ACBD5: variants seen among roughly 807,000 people sequenced by gnomAD.
ACBD5 encodes the protein acyl-CoA binding domain containing 5.
ACBD5 carries 40 observed loss-of-function variants against 71.8 expected under a neutral mutation model. The observed-to-expected ratio is 0.56, with a 90% CI of 0.43 to 0.72. The LOEUF is 0.72. ACBD5 is among the 30% of genes least tolerant of loss of function. The pLI, the probability that ACBD5 is intolerant of heterozygous loss-of-function variation, is 0.00. For missense variants in ACBD5, 559 were observed against 644.5 expected (o/e 0.87, Z 1.44); for synonymous variants, 229 against 218.6 (o/e 1.05, Z -0.42).
chr10:27,234,168 T>C (rs1479700420), intron 3 of ACBD5, among the ~76,000 whole-genome samples: 1 of 152,262 alleles, frequency 6.6e-6, no homozygotes, highest in Non-Finnish European at 1.5e-5. Context: ...TATCAACTGT[T>C]AGTCAACTGG....
chr10:27,230,563 A>G (rs961591244), intron 4 of ACBD5, among the ~76,000 whole-genome samples: 2 of 152,082 alleles, frequency 1.3e-5, no homozygotes, highest in Admixed American at 1.3e-4. Flanking sequence ...TTGGGAGGCC[A>G]AGGCAGGTGG....
chr10:27,230,425 C>G (rs540696503), intron 4 of ACBD5, among the ~76,000 whole-genome samples: 1 of 152,088 alleles, frequency 6.6e-6, no homozygotes, highest in East Asian at 1.9e-4. Flanking sequence ...TCTTTATGTT[C>G]AAAGATAATT....
chr10:27,190,867 G>A (rs909194895), downstream of ACBD5, among the ~76,000 whole-genome samples: 11 of 152,154 alleles, frequency 7.2e-5, no homozygotes, highest in African/African-American at 2.7e-4. Flanking sequence ...GTGAGAGAAT[G>A]GAAGAGCCAC....
Position 27,201,090 on chromosome 10 carries a change from G to A in ACBD5, c.1565+3350C>T, listed in dbSNP as rs1464497758. The stretch of plus-strand genomic sequence containing the variant: ...AGGCAGCAGGATTGCTTGAGCCCAG[G>A]AGTTTGAGGCTGCAATGACCTCTGA... On this transcript the variant is annotated intron_variant, in intron 12 of 12. Coordinates refer to ENST00000396271, the MANE Select transcript of ACBD5 (RefSeq NM_145698.5). Among the ~76,000 whole-genome samples, 3 of 152,170 alleles carry A rather than the reference G, an allele frequency of 2.0e-5. No homozygotes were observed. The East Asian group carries it at 5.8e-4, about 29-fold the overall frequency.
intron 3 of ACBD5, among the ~76,000 whole-genome samples, chr10:27,233,300 G>C (rs1031548956): frequency 1.3e-5 from 2 of 152,146 alleles, no homozygotes; most frequent in South Asian, 4.2e-4. Context: ...GGTGGCACGC[G>C]CCTGTAATCC....
At chr10:27,205,563 T>G (rs535547410) in intron 10 of ACBD5, among the ~76,000 whole-genome samples, 1 of 152,268 alleles carries the variant, frequency 6.6e-6, no homozygotes, top group Admixed American at 6.5e-5. Context: ...CTCAAATCAA[T>G]CTAAACTCTT....
intron 2 of ACBD5, among the ~76,000 whole-genome samples, chr10:27,236,455 C>A (rs2064707995): frequency 6.6e-6 from 1 of 151,996 alleles, no homozygotes; most frequent in African/African-American, 2.4e-5. Context: ...AGTAAGTATA[C>A]AAATTATTTT....
chr10:27,228,791 T>TTCTA (rs1306544829), intron 4 of ACBD5, among the ~76,000 whole-genome samples: 35 of 22,136 alleles, frequency 1.6e-3, no homozygotes, highest in Non-Finnish European at 4.8e-3. Flanking sequence ...CCTATTATGT[T>TTCTA]TATATATATA....
intron 12 of ACBD5, among the ~76,000 whole-genome samples, chr10:27,203,751 T>C (rs982468039): frequency 1.6e-4 from 24 of 150,726 alleles, no homozygotes; most frequent in African/African-American, 5.9e-4. Context: ...AAAAAATAAA[T>C]TAATAAAATA....
intron 13 of ACBD5, among the ~76,000 whole-genome samples, chr10:27,189,378 C>T (rs911617425): frequency 6.6e-6 from 1 of 152,160 alleles, no homozygotes; most frequent in Non-Finnish European, 1.5e-5. Flanking sequence ...TAGTGGCTCA[C>T]GCCTTTATTT....
At chr10:27,201,568 C>T (rs929942961) in intron 12 of ACBD5, among the ~76,000 whole-genome samples, 3 of 152,164 alleles carry the variant, frequency 2.0e-5, no homozygotes, top group African/African-American at 7.2e-5. Flanking sequence ...TTTGGGAAGC[C>T]GAGGCGGCTG....
At chr10:27,236,975 A>G in intron 2 of ACBD5, among the ~76,000 whole-genome samples, 1 of 151,934 alleles carries the variant, frequency 6.6e-6, no homozygotes, top group Non-Finnish European at 1.5e-5. Flanking sequence ...AGAGTGCATA[A>G]TTAATTCTCA....
At chr10:27,200,295 C>A (rs914253810) in intron 12 of ACBD5, among the ~76,000 whole-genome samples, 2 of 152,148 alleles carry the variant, frequency 1.3e-5, no homozygotes, top group Admixed American at 1.3e-4. Context: ...CTCCCACCAG[C>A]GCCATGACAG....
At chr10:27,199,165 T>A (rs2136548165) in intron 12 of ACBD5, among the ~76,000 whole-genome samples, 1 of 151,640 alleles carries the variant, frequency 6.6e-6, no homozygotes, top group East Asian at 1.9e-4. Flanking sequence ...GGGCAGAAAA[T>A]TTGGTCTCGA....
intron 3 of ACBD5, among the ~76,000 whole-genome samples, chr10:27,232,693 T>C (rs1359786697): frequency 6.6e-6 from 1 of 152,174 alleles, no homozygotes; most frequent in Non-Finnish European, 1.5e-5. Flanking sequence ...GAGCCTAACT[T>C]GTACATTTGA....
At chr10:27,223,091 G>A (rs1460776876) in intron 5 of ACBD5, 2 of 677,442 alleles carry the variant, frequency 3.0e-6, no homozygotes, top group Admixed American at 4.9e-5. Context: ...CATATAATGT[G>A]TTTGCCTGGA....
intron 2 of ACBD5, among the ~76,000 whole-genome samples, chr10:27,237,201 C>T (rs149295950): frequency 1.4e-4 from 19 of 136,682 alleles, no homozygotes; most frequent in African/African-American, 4.7e-4. Flanking sequence ...TGTTTATTGG[C>T]TTAGGTGAAT....
intron 4 of ACBD5, among the ~76,000 whole-genome samples, chr10:27,226,715 G>C (rs1373491159): frequency 6.6e-6 from 1 of 151,284 alleles, no homozygotes; most frequent in Non-Finnish European, 1.5e-5. Context: ...GCAGTGGCAT[G>C]ATCTTGGCTC....
intron 4 of ACBD5, among the ~76,000 whole-genome samples, chr10:27,226,545 T>A (rs1279840529): frequency 1.3e-5 from 2 of 151,528 alleles, no homozygotes; most frequent in African/African-American, 4.9e-5. Flanking sequence ...AGAGAAGATG[T>A]TATCTAAACC....
Sources: gnomAD v4.1 joint callset for allele counts (sites outside exome capture counted in the v4.1 genomes callset) on GRCh38, gnomAD v4.1.1 for gene constraint, MANE v1.5 for transcripts, NCBI Gene and HGNC (gene_info 2026-07-23, HGNC 2026-07-21) for gene names.